KATNIP: variants seen among roughly 807,000 people sequenced by gnomAD.
KATNIP encodes katanin-interacting protein.
Under a neutral mutation model 174.0 loss-of-function variants are expected in KATNIP, and 126 were observed. The observed-to-expected ratio is 0.72, with a 90% CI of 0.63 to 0.84. KATNIP has a LOEUF of 0.84. KATNIP is among the 40% of genes least tolerant of loss of function. KATNIP has a pLI of 0.00. For synonymous variants in KATNIP, 810 were observed against 835.7 expected, an observed-to-expected ratio of 0.97 and a Z score of 0.53; for missense variants, 1,958 against 2,109.7, an observed-to-expected ratio of 0.93 and a Z score of 1.41.
At chr16:27,658,234 A>C (rs974293831) in intron 6 of KATNIP, among the ~76,000 whole-genome samples, 1 of 152,230 alleles carries the variant, frequency 6.6e-6, no homozygotes, top group African/African-American at 2.4e-5. Context: ...CATAGTTATA[A>C]GGAAAAGATA....
chr16:27,661,597 T>G (rs1344018930), intron 6 of KATNIP, among the ~76,000 whole-genome samples: 1 of 151,786 alleles, frequency 6.6e-6, no homozygotes, highest in Non-Finnish European at 1.5e-5. Context: ...TTCACCATGT[T>G]GGCCAGGCTG....
At chr16:27,607,593 T>A (rs1341559891) in intron 2 of KATNIP, among the ~76,000 whole-genome samples, 1 of 114,336 alleles carries the variant, frequency 8.7e-6, no homozygotes, top group East Asian at 2.9e-4. Context: ...ACAGTCAGTG[T>A]CTTTTTTTTT....
At chr16:27,659,745 C>A (rs1298387980) in intron 6 of KATNIP, among the ~76,000 whole-genome samples, 1 of 151,948 alleles carries the variant, frequency 6.6e-6, no homozygotes, top group African/African-American at 2.4e-5. Context: ...TGCTAAAATG[C>A]AGGATAAGGA....
At chr16:27,571,325 G>A (rs952325737) in intron 1 of KATNIP, among the ~76,000 whole-genome samples, 3 of 152,054 alleles carry the variant, frequency 2.0e-5, no homozygotes, top group African/African-American at 7.2e-5. Context: ...GAGCCACCAC[G>A]ACTGGCCACA....
At chr16:27,572,897 G>A (rs2090360514) in intron 1 of KATNIP, among the ~76,000 whole-genome samples, 2 of 152,132 alleles carry the variant, frequency 1.3e-5, no homozygotes, top group Non-Finnish European at 2.9e-5. Flanking sequence ...TTCTTCCTAG[G>A]CCTTGGCTCT....
chr16:27,694,638 A>G (rs374336413), intron 8 of KATNIP, among the ~76,000 whole-genome samples: 1 of 151,988 alleles, frequency 6.6e-6, no homozygotes, highest in Non-Finnish European at 1.5e-5. Flanking sequence ...TCTACAAAAA[A>G]TACAAAAATT....
At chr16:27,653,526 G>T (rs1463876692) in intron 6 of KATNIP, among the ~76,000 whole-genome samples, 1 of 152,024 alleles carries the variant, frequency 6.6e-6, no homozygotes, top group Non-Finnish European at 1.5e-5. Context: ...TACCACAGCA[G>T]GAACTTAGGG....
At chr16:27,771,941 G>T (rs1331382458) in intron 22 of KATNIP, among the ~76,000 whole-genome samples, 1 of 152,174 alleles carries the variant, frequency 6.6e-6, no homozygotes, top group Non-Finnish European at 1.5e-5. Context: ...GACTGGGGAA[G>T]GGGGGTGTCC....
At chr16:27,664,549 G>A (rs891305013) in intron 6 of KATNIP, among the ~76,000 whole-genome samples, 1 of 152,138 alleles carries the variant, frequency 6.6e-6, no homozygotes, top group Non-Finnish European at 1.5e-5. Flanking sequence ...AGTGCTCAGA[G>A]CCTGCATTTT....
rs138668990 is a variant in KATNIP at position 27,650,061 on chromosome 16, T to A, written c.540+1326T>A. ...GGTGGTGTGCGCCTATAATCCCAGC[T>A]GCTTGGGAGGCTGAGACAGGAGAAC... On this transcript the variant is annotated intron_variant, in intron 6 of 27. Transcript: ENST00000261588. Among the ~76,000 whole-genome samples, 1,080 of 152,110 alleles carry A rather than the reference T, an allele frequency of 7.1e-3. 21 individuals are homozygous for A. Among genetic ancestry groups the A allele is most frequent in the African/African-American group, 0.025 (1,018 of 41,482 alleles).
intron 6 of KATNIP, among the ~76,000 whole-genome samples, chr16:27,662,095 CAT>C (rs71137801): frequency 2.6e-5 from 1 of 38,300 alleles, no homozygotes; most frequent in African/African-American, 1.1e-4. Context: ...TATACACATA[CAT>C]ATATATATAT....
intron 2 of KATNIP, among the ~76,000 whole-genome samples, chr16:27,578,575 T>TA (rs1268937997): frequency 6.6e-6 from 1 of 152,098 alleles, no homozygotes; most frequent in Non-Finnish European, 1.5e-5. Context: ...TTGGAAAGGT[T>TA]ACGGTCATTT....
In KATNIP at chr16:27,635,840, A is replaced by T. The variant is rs951124732; in HGVS notation, c.408+4678A>T. Reference sequence around the variant, plus strand: ...ACTTTTCGAAGCTTGCCAACATTTAAATTAACAAGATTTTATATTAAAAAT... The same window carrying T: ...ACTTTTCGAAGCTTGCCAACATTTATATTAACAAGATTTTATATTAAAAAT... On this transcript the variant is annotated intron_variant, in intron 5 of 27. Transcript: ENST00000261588. Among the ~76,000 whole-genome samples the T allele has an allele frequency of 4.9e-4, 74 of 152,162 alleles. 1 individual carries two copies. The highest frequency in any genetic ancestry group is 8.1e-4 in the Non-Finnish European group (55 of 68,030).
At chr16:27,691,201 C>T (rs554424760) in intron 8 of KATNIP, among the ~76,000 whole-genome samples, 4 of 152,236 alleles carry the variant, frequency 2.6e-5, no homozygotes, top group East Asian at 1.9e-4. Context: ...GCTGGTGAGC[C>T]GACCGGCAGC....
At chr16:27,677,699 T>A (rs927461139) in intron 6 of KATNIP, 30 bp from the exon 7 acceptor site, 35 of 1,578,870 alleles carry the variant, frequency 2.2e-5, no homozygotes, top group Non-Finnish European at 1.0e-5. Context: ...ACCATATTTA[T>A]CTCTCATCTC....
At chr16:27,576,424 C>G (rs778520182) in intron 2 of KATNIP, among the ~76,000 whole-genome samples, 1 of 151,836 alleles carries the variant, frequency 6.6e-6, no homozygotes, top group African/African-American at 2.4e-5. Flanking sequence ...AGCTTTTGTT[C>G]GGTTAGAAAA....
In KATNIP at chr16:27,751,975, C is replaced by T. The variant is rs761635398; in HGVS notation, c.3552+51C>T. 4 of 1,470,620 alleles carry T rather than the reference C, an allele frequency of 2.7e-6. No individual in the cohort carries two copies. In the Admixed American group the frequency reaches 6.0e-5, roughly 22 times the overall value. The allele number at this position is 1,470,620 out of a possible 1,614,324, so 91.1% of individuals were successfully genotyped here. ...GGGGGACCCCCAGATAGGTTTCTTC[C>T]CCTAACTCAGAGTAGAGCAGGGAGA... On this transcript the variant is annotated intron_variant, in intron 17 of 27. Coordinates refer to ENST00000261588, the MANE Select transcript of KATNIP (RefSeq NM_015202.5).
At chr16:27,703,520 G>T (rs1217768092) in intron 11 of KATNIP, among the ~76,000 whole-genome samples, 1 of 152,170 alleles carries the variant, frequency 6.6e-6, no homozygotes, top group East Asian at 1.9e-4. Context: ...TTGTTTCTTT[G>T]TACAACCTTT....
At chr16:27,624,651 A>T (rs148425267) in intron 3 of KATNIP, among the ~76,000 whole-genome samples, 3,308 of 151,914 alleles carry the variant, frequency 0.022, 137 homozygotes, top group African/African-American at 0.076. Context: ...CCCTGTCTCT[A>T]CAAAAAAAAA....
Sources: gnomAD v4.1 joint callset for allele counts (sites outside exome capture counted in the v4.1 genomes callset) on GRCh38, gnomAD v4.1.1 for gene constraint, MANE v1.5 for transcripts, NCBI Gene and HGNC (gene_info 2026-07-23, HGNC 2026-07-21) for gene names.